RUFY3: variants seen among roughly 807,000 people sequenced by gnomAD.
RUFY3 encodes the protein RUN and FYVE domain containing 3.
In RUFY3, 34 loss-of-function variants were observed where a neutral mutation model predicts 84.0. The ratio of observed to expected loss-of-function variants is 0.40; its 90% CI spans 0.31 to 0.54. The LOEUF (loss-of-function observed/expected upper bound fraction) is 0.54. Among genes scored for constraint, RUFY3 ranks in the 20% least tolerant of loss-of-function variants. The pLI is 0.39. For synonymous variants in RUFY3, 242 were observed against 252.9 expected, an observed-to-expected ratio of 0.96 and a Z score of 0.41; for missense variants, 507 against 736.8, an observed-to-expected ratio of 0.69 and a Z score of 3.61.
chr4:70,797,704 A>G (rs1037383180), intron 14 of RUFY3, among the ~76,000 whole-genome samples: 16 of 151,988 alleles, frequency 1.1e-4, no homozygotes, highest in Non-Finnish European at 2.4e-4. Context: ...TAAGCCGGGC[A>G]TGGTGGTAGT....
intron 5 of RUFY3, among the ~76,000 whole-genome samples, chr4:70,771,831 A>G (rs1479265819): frequency 3.3e-5 from 5 of 152,220 alleles, no homozygotes; most frequent in Admixed American, 6.5e-5. Flanking sequence ...CGCCTGGCCT[A>G]TTGTATATTT....
rs1241119232 is a variant in RUFY3 at position 70,773,566 on chromosome 4, C to T, written c.752C>T (p.Thr251Ile). ...AAGGACGGGAACAGCAGTAAAGGTA[C>T]TGAAGGGTACGTACAAAGAAAATTA... ...YLKDGNSSKGTEGDGQITAIL... is the reference protein window; with the variant it reads ...YLKDGNSSKGIEGDGQITAIL... The change falls in exon 6 of 18, where the codon ACT (threonine) becomes ATT (isoleucine). Residue 251 changes from threonine (T) to isoleucine (I), a missense_variant. Thr to Ile is a moderately conservative substitution (Grantham distance 89). Around this residue, in one of 4 missense-constraint regions of RUFY3, gnomAD observed 23 missense variants for 17.0 expected, o/e 1.36. Coordinates refer to ENST00000381006, the MANE Select transcript of RUFY3 (RefSeq NM_001037442.4). The T allele has an allele frequency of 3.7e-6, 6 of 1,607,140 alleles. No individual in the cohort carries two copies. Among genetic ancestry groups the T allele is most frequent in the Admixed American group, 3.3e-5 (2 of 59,968 alleles).
At chr4:70,718,335 A>G (rs575723678), upstream of RUFY3, among the ~76,000 whole-genome samples, 43 of 152,328 alleles carry the variant, frequency 2.8e-4, no homozygotes, top group South Asian at 2.7e-3. Context: ...AATATCCTTT[A>G]AGAGGAATGT....
chr4:70,782,980 GCTTT>G, intron 8 of RUFY3, 107 bp from the exon 9 acceptor site: 1 of 654,194 alleles, frequency 1.5e-6, no homozygotes, highest in South Asian at 2.2e-5. Flanking sequence ...TAGCTTCCTT[GCTTT>G]CTAAGAATAT....
chr4:70,767,743 A>G (rs1260136310), intron 4 of RUFY3, among the ~76,000 whole-genome samples: 1 of 151,976 alleles, frequency 6.6e-6, no homozygotes, highest in African/African-American at 2.4e-5. Context: ...CAGTGGCACA[A>G]TCTCAGCTCA....
chr4:70,743,727 T>G (rs1721700682), intron 1 of RUFY3, among the ~76,000 whole-genome samples: 1 of 152,128 alleles, frequency 6.6e-6, no homozygotes, highest in Non-Finnish European at 1.5e-5. Context: ...CTTAATAGAT[T>G]TCCAGTCAAG....
intron 1 of RUFY3, chr4:70,734,577 C>T: frequency 1.0e-6 from 1 of 985,298 alleles, no homozygotes; most frequent in Non-Finnish European, 1.2e-6. Flanking sequence ...AATAACCTGG[C>T]TAGTCACCCT....
At chr4:70,727,231 G>C (rs982877231) in intron 1 of RUFY3, among the ~76,000 whole-genome samples, 1 of 149,634 alleles carries the variant, frequency 6.7e-6, no homozygotes, top group African/African-American at 2.5e-5. Context: ...TTATTACTGA[G>C]ATGAAGTGGT....
intron 5 of RUFY3, among the ~76,000 whole-genome samples, chr4:70,770,910 T>A (rs1726841210): frequency 6.6e-6 from 1 of 152,146 alleles, no homozygotes; most frequent in Non-Finnish European, 1.5e-5. Flanking sequence ...ATTGCAGGGT[T>A]ATTAATTGGC....
intron 7 of RUFY3, among the ~76,000 whole-genome samples, chr4:70,776,928 T>C (rs1366181126): frequency 6.6e-6 from 1 of 152,376 alleles, no homozygotes; most frequent in East Asian, 1.9e-4. Flanking sequence ...GTTCACAGTT[T>C]ATTTTTTTAT....
chr4:70,775,435 A>G (rs77497775), intron 7 of RUFY3, among the ~76,000 whole-genome samples: 1,866 of 151,480 alleles, frequency 0.012, 32 homozygotes, highest in South Asian at 0.056. Context: ...GCAGTATATA[A>G]TGTTATATAT....
At chr4:70,714,230 T>G (rs1741324667) in intron 1 of RUFY3, among the ~76,000 whole-genome samples, 1 of 152,144 alleles carries the variant, frequency 6.6e-6, no homozygotes, top group Non-Finnish European at 1.5e-5. Flanking sequence ...GGTCCTAGAT[T>G]AGAGGCACGT....
In RUFY3 at chr4:70,783,313, C is replaced by T. The variant is rs567300739; in HGVS notation, c.987+130C>T. ...GCACACTTTTTATTTAGACTCCATG[C>T]ATAATTGTGTGATGAAGGTTGTGGG... is the stretch of plus-strand genomic sequence containing the variant. On this transcript the variant is annotated intron_variant, in intron 9 of 17. Coordinates refer to ENST00000381006, the MANE Select transcript of RUFY3 (RefSeq NM_001037442.4). 9 of 643,430 alleles carry T rather than the reference C, an allele frequency of 1.4e-5. 1 individual carries two copies. In the Admixed American group the frequency reaches 2.8e-4, roughly 20 times the overall value. 39.9% of individuals were successfully genotyped at this position (643,430 alleles called of 1,614,324 possible).
In RUFY3 at chr4:70,788,961, C is replaced by G; in HGVS notation, c.1227C>G (p.Ala409=). Residue 409 remains alanine, a synonymous_variant, in exon 11 of 18, where the codon GCC becomes GCG. Transcript: ENST00000381006. The part of the protein sequence containing the change: ...DDLRALKHEL[A]FKLQSSDLGV... The stretch of plus-strand genomic sequence containing the variant: ...TCAGAGCTCTCAAGCATGAACTTGC[C>G]TTTAAGCTGCAGGTAGGGGAAATAT... 1 of 1,614,018 alleles carries G rather than the reference C, an allele frequency of 6.2e-7. No homozygotes were observed. The highest frequency in any genetic ancestry group is 8.5e-7 in the Non-Finnish European group (1 of 1,179,932).
At chr4:70,793,409 T>C in intron 12 of RUFY3, 1 of 1,057,448 alleles carries the variant, frequency 9.5e-7, no homozygotes. Flanking sequence ...CCAAACCTAT[T>C]AGGAAATTTT....
chr4:70,704,548 G>A (rs888213500), upstream of RUFY3: 6 of 166,100 alleles, frequency 3.6e-5, no homozygotes, highest in Non-Finnish European at 7.7e-5. Flanking sequence ...GCGGGGGCGG[G>A]TAAGGAAGAG....
At chr4:70,792,667 C>T (rs542431017) in intron 12 of RUFY3, 4 of 985,318 alleles carry the variant, frequency 4.1e-6, no homozygotes, top group East Asian at 2.3e-4. Context: ...ATAACCCCTT[C>T]GCTTCCAGCT....
chr4:70,793,625 C>T, intron 12 of RUFY3, 160 bp from the exon 13 acceptor site: 2 of 1,483,308 alleles, frequency 1.3e-6, no homozygotes, highest in South Asian at 1.3e-5. Context: ...CCATCTTTTC[C>T]CCCCCATAAT....
chr4:70,734,544 C>G (rs1719972376), intron 1 of RUFY3: 1 of 985,312 alleles, frequency 1.0e-6, no homozygotes, highest in African/African-American at 1.7e-5. Flanking sequence ...ACGGTTCATC[C>G]CTTCTTGTTG....
Sources: gnomAD v4.1 joint callset for allele counts (sites outside exome capture counted in the v4.1 genomes callset) on GRCh38, gnomAD v4.1.1 for gene constraint, gnomAD v4.1.1 regional missense constraint, MANE v1.5 for transcripts, NCBI Gene and HGNC (gene_info 2026-07-23, HGNC 2026-07-21) for gene names.